Variants in DHX8 observed in about 807,000 individuals in gnomAD.
DHX8 encodes DEAH-box helicase 8.
DHX8 carries 67 observed loss-of-function variants against 140.7 expected under a neutral mutation model. The ratio of observed to expected loss-of-function variants is 0.48; its 90% confidence interval spans 0.39 to 0.58. The LOEUF (loss-of-function observed/expected upper bound fraction) is 0.58. DHX8 is among the 20% of genes least tolerant of loss of function. The probability of loss-of-function intolerance (pLI) is 0.00; values close to 1 mark genes in which losing one functional copy is unlikely to be tolerated. For synonymous variants in DHX8, 533 were observed against 553.2 expected, an observed-to-expected ratio of 0.96 and a Z score of 0.51; for missense variants, 887 against 1,550.7, an observed-to-expected ratio of 0.57 and a Z score of 7.19.
intron 3 of DHX8, among the ~76,000 whole-genome samples, chr17:43,540,855 A>G (rs1322812541): frequency 1.3e-5 from 2 of 152,120 alleles, no homozygotes. Flanking sequence ...CTAGGCAAGA[A>G]GGGTCCCAAG....
chr17:43,510,465 T>A (rs1969759710), intron 16 of DHX8, among the ~76,000 whole-genome samples: 1 of 152,248 alleles, frequency 6.6e-6, no homozygotes, highest in African/African-American at 2.4e-5. Context: ...TTATGTAAAA[T>A]GCCATAGTAT....
At chr17:43,538,802 G>A (rs773810316) in intron 3 of DHX8, among the ~76,000 whole-genome samples, 4 of 152,128 alleles carry the variant, frequency 2.6e-5, no homozygotes, top group East Asian at 1.9e-4. Flanking sequence ...GAGGAGGCTG[G>A]ACTCTCCTTC....
rs1003074417 is a variant in DHX8 at position 43,532,897 on chromosome 17, T to C, written c.351-3515T>C. 12 of 1,594,966 alleles carry C rather than the reference T, an allele frequency of 7.5e-6. No individual in the cohort carries two copies. In the Admixed American group the frequency reaches 1.4e-4, roughly 19 times the overall value. On this transcript the variant is annotated intron_variant, in intron 2 of 3. Transcript: ENST00000589898. ...GGGGTTCCCGGCCCCCTCCCTGAGA[T>C]GTGAAGGAGTGGCAAATGTCCAGGG...
intron 9 of DHX8, among the ~76,000 whole-genome samples, chr17:43,498,423 A>C (rs1968992956): frequency 6.6e-6 from 1 of 150,978 alleles, no homozygotes; most frequent in African/African-American, 2.4e-5. Context: ...CTGGGATTAC[A>C]GGTAAGAGCC....
chr17:43,510,226 TTA>T (rs755246201), intron 16 of DHX8, among the ~76,000 whole-genome samples: 38 of 152,036 alleles, frequency 2.5e-4, no homozygotes, highest in Non-Finnish European at 5.4e-4. Context: ...TTTTGTATTT[TTA>T]GTAGAGACAG....
chr17:43,529,199 G>A (rs201226514), downstream of DHX8: 1 of 1,613,958 alleles, frequency 6.2e-7, no homozygotes, highest in East Asian at 2.2e-5. Flanking sequence ...GTAATTCATG[G>A]CTGGCCGGTT....
intron 3 of DHX8, among the ~76,000 whole-genome samples, chr17:43,539,782 C>T (rs1471855033): frequency 6.6e-6 from 1 of 152,216 alleles, no homozygotes; most frequent in East Asian, 1.9e-4. Flanking sequence ...CAGGAAAGCA[C>T]ATCTCACAGG....
chr17:43,515,283 G>A (rs561667389), intron 17 of DHX8, among the ~76,000 whole-genome samples: 78 of 152,186 alleles, frequency 5.1e-4, no homozygotes, highest in Non-Finnish European at 9.6e-4. Flanking sequence ...CGGCCTCCTG[G>A]GTTCAAGTGA....
rs1460819590 is a variant in DHX8, at chr17:43,492,273, CAA to C, written c.486_487del (p.Asp164CysfsTer2). 1 of 1,613,812 alleles carries C rather than the reference CAA, an allele frequency of 6.2e-7. No homozygotes were observed. Among genetic ancestry groups the C allele is most frequent in the South Asian group, 1.1e-5 (1 of 91,054 alleles). On this transcript the variant is annotated frameshift_variant, in exon 5 of 23. Transcript: ENST00000262415. LOFTEE classifies it high-confidence loss of function. ...GCCCAGCGCAGCAGGCCAGGAGAAGCAAAGAGATGCTGAACACCGGTTTGTCC... is the reference window on the plus strand; with the variant it reads ...GCCCAGCGCAGCAGGCCAGGAGAAGCAGAGATGCTGAACACCGGTTTGTCC... Reference protein sequence around the residue: ...LMPSAAGQEKQRDAEHRDRTK... With the variant: ...LMPSAAGQEKXRDAEHRDRTK...
chr17:43,490,633 G>A, intron 3 of DHX8, 170 bp downstream of exon 3: 1 of 610,462 alleles, frequency 1.6e-6, no homozygotes, highest in Non-Finnish European at 2.8e-6. Flanking sequence ...AGCACTTTGG[G>A]AGGCCAAGGT....
intron 11 of DHX8, among the ~76,000 whole-genome samples, chr17:43,502,932 G>A (rs1375448838): frequency 1.3e-5 from 2 of 151,968 alleles, no homozygotes; most frequent in Non-Finnish European, 2.9e-5. Flanking sequence ...CACTTATTTG[G>A]TTAGTAGGCA....
chr17:43,490,741 G>A (rs1183321596), intron 3 of DHX8, among the ~76,000 whole-genome samples: 1 of 152,118 alleles, frequency 6.6e-6, no homozygotes, highest in Non-Finnish European at 1.5e-5. Flanking sequence ...AGGCATGATG[G>A]CGTGCCTCCG....
intron 12 of DHX8, among the ~76,000 whole-genome samples, chr17:43,506,037 C>T (rs1240439296): frequency 1.3e-5 from 2 of 151,740 alleles, no homozygotes; most frequent in Non-Finnish European, 1.5e-5. Context: ...GACAGAGTCT[C>T]GCTTTGTGCA....
intron 2 of DHX8, chr17:43,532,940 C>T: frequency 6.4e-7 from 1 of 1,563,340 alleles, no homozygotes. Context: ...GAAGACGGAG[C>T]TGGATGTGGT....
rs1970550344 is a variant in DHX8 at position 43,524,800 on chromosome 17, C to T, written c.*953C>T. 1.0e-6 allele frequency: 1 copy of T among 985,382 alleles called. No homozygotes were observed. The highest frequency in any genetic ancestry group is 1.1e-4 in the East Asian group (1 of 8,814). The allele number at this position is 985,382 out of a possible 1,614,324, so 61.0% of individuals were successfully genotyped here. On this transcript the variant is annotated 3_prime_UTR_variant, in exon 23 of 23. Transcript: ENST00000262415. ...GATTTTATGGTCAAAACCTCCCTTT[C>T]CCCACTCCAAACAGAAAACAAACAT... is the stretch of plus-strand genomic sequence containing the variant.
At chr17:43,514,011 C>A (rs1313098342) in intron 17 of DHX8, among the ~76,000 whole-genome samples, 1 of 151,918 alleles carries the variant, frequency 6.6e-6, no homozygotes, top group African/African-American at 2.4e-5. Context: ...CCACGCCCGG[C>A]CCTTTTTAAT....
At chr17:43,503,919 A>G (rs1969349778) in intron 11 of DHX8, among the ~76,000 whole-genome samples, 1 of 151,984 alleles carries the variant, frequency 6.6e-6, no homozygotes, top group African/African-American at 2.4e-5. Context: ...ACTTAAAAAG[A>G]GTAACACGGA....
chr17:43,530,426 C>T, downstream of DHX8: 1 of 1,401,262 alleles, frequency 7.1e-7, no homozygotes. Flanking sequence ...GCAGCGGGGG[C>T]TGGGCAAGCT....
chr17:43,515,216 C>T (rs1221788973), intron 17 of DHX8, among the ~76,000 whole-genome samples: 2 of 152,106 alleles, frequency 1.3e-5, no homozygotes, highest in Non-Finnish European at 2.9e-5. Context: ...TGAGATGGGG[C>T]CTTGCTCTGT....
Sources: gnomAD v4.1 joint callset for allele counts (sites outside exome capture counted in the v4.1 genomes callset) on GRCh38, gnomAD v4.1.1 for gene constraint, MANE v1.5 for transcripts, NCBI Gene and HGNC (gene_info 2026-07-23, HGNC 2026-07-21) for gene names.